Variants in AIFM2 observed in about 807,000 individuals in gnomAD.
AIFM2 encodes the protein ferroptosis suppressor protein 1.
AIFM2 carries 38 observed loss-of-function variants against 35.7 expected under a neutral mutation model. The ratio of observed to expected loss-of-function variants is 1.06; its 90% CI spans 0.82 to 1.39. The LOEUF (loss-of-function observed/expected upper bound fraction) is 1.39, where lower values mean the gene tolerates loss of function less well. Ranked by LOEUF, AIFM2 falls within the 40% of genes most tolerant of loss-of-function variation. The pLI is 0.00. For synonymous variants in AIFM2, 185 were observed against 203.5 expected (o/e 0.91, Z 0.77); for missense variants, 476 against 491.2 (o/e 0.97, Z 0.29).
chr10:70,117,666 C>T lies in AIFM2; in HGVS notation c.616+146G>A. 1.7e-6 allele frequency: 1 copy of T among 598,012 alleles called. No homozygotes were observed. The highest frequency in any genetic ancestry group is 2.4e-5 in the South Asian group (1 of 41,190). 37.0% of individuals were successfully genotyped at this position (598,012 alleles called of 1,614,324 possible). On this transcript the variant is annotated intron_variant, in intron 6 of 8. Coordinates refer to ENST00000307864, the MANE Select transcript of AIFM2 (RefSeq NM_032797.6). The surrounding 1 kb of genome is among the most constrained non-coding windows in gnomAD (Gnocchi z 4.7). ...TGATGTTCACGGCCTCTTCTGAGCG[C>T]TTCATGCTCCACCCCAGGACACAGT...
chr10:70,119,340 G>C (rs75329470), intron 5 of AIFM2, among the ~76,000 whole-genome samples: 3,070 of 152,338 alleles, frequency 0.02, 43 homozygotes, highest in Non-Finnish European at 0.03. Context: ...AGCCAAGTGG[G>C]ACAGAAGCGT....
chr10:70,124,398 C>T (rs562826611), intron 1 of AIFM2, among the ~76,000 whole-genome samples: 165 of 152,124 alleles, frequency 1.1e-3, no homozygotes, highest in Non-Finnish European at 2.1e-3. Flanking sequence ...TTATTTTTTG[C>T]ACCCATTAAA....
In AIFM2 at chr10:70,121,223, CAAAAAAAAAAAAAAAAA is replaced by C. The variant is rs35599207; in HGVS notation, c.295-29_295-13del. ...GAGAAGGGCAGGGCCTGAGAGAAAC[CAAAAAAAAAAAAAAAAA>C]AAAAAAAAAAAAGATGAGGGTAGGG... On this transcript the variant is annotated splice_polypyrimidine_tract_variant and intron_variant, in intron 3 of 8. Coordinates refer to ENST00000307864, the MANE Select transcript of AIFM2 (RefSeq NM_032797.6). 12 of 665,220 alleles carry C rather than the reference CAAAAAAAAAAAAAAAAA, an allele frequency of 1.8e-5. No homozygotes were observed. Among genetic ancestry groups the C allele is most frequent in the Middle Eastern group, 6.9e-4 (1 of 1,452 alleles). The allele number at this position is 665,220 out of a possible 1,614,324, so 41.2% of individuals were successfully genotyped here.
chr10:70,122,490 G>A (rs1728526960), intron 3 of AIFM2, among the ~76,000 whole-genome samples: 1 of 152,236 alleles, frequency 6.6e-6, no homozygotes, highest in South Asian at 2.1e-4. Context: ...CACTCATCCA[G>A]AGCTGGTGGC....
chr10:70,115,981 G>T (rs1403835423), intron 7 of AIFM2, among the ~76,000 whole-genome samples: 1 of 152,202 alleles, frequency 6.6e-6, no homozygotes, highest in East Asian at 1.9e-4. Context: ...CCTGGGATTG[G>T]ATCATTACTT....
In AIFM2 at chr10:70,117,021, CT is replaced by C. The variant is rs544952695; in HGVS notation, c.617-248del. 2.0e-5 allele frequency among the ~76,000 whole-genome samples: 3 copies of C among 152,364 alleles called. No homozygotes were observed. The South Asian group carries it at 6.2e-4, about 32-fold the overall frequency. On this transcript the variant is annotated intron_variant, in intron 6 of 8. Coordinates refer to ENST00000307864, the MANE Select transcript of AIFM2 (RefSeq NM_032797.6). This position sits in a 1 kb window ranked among gnomAD's most constrained non-coding sequence, Gnocchi z 4.7. ...AAGAAGCCCCTGGAGGGAAGCGAGG[CT>C]GTTTCCCAAGAAGTTCTCAGAAAAG...
intron 3 of AIFM2, among the ~76,000 whole-genome samples, chr10:70,121,478 G>A (rs1306202911): frequency 6.6e-6 from 1 of 152,080 alleles, no homozygotes; most frequent in African/African-American, 2.4e-5. Context: ...GGCAACTGGA[G>A]CCACCCAGCA....
Position 70,131,552 on chromosome 10 carries a change from C to G in AIFM2, c.-14+1182G>C, listed in dbSNP as rs1327523528. Among the ~76,000 whole-genome samples, 1 of 152,194 alleles carries G rather than the reference C, an allele frequency of 6.6e-6. No individual in the cohort carries two copies. The highest frequency in any genetic ancestry group is 1.5e-5 in the Non-Finnish European group (1 of 68,026). ...GTTCATCTGGATGTCATATTCACTC[C>G]CGCACAGAAAACCTAGGCCAAGCAA... On this transcript the variant is annotated intron_variant, in intron 1 of 8. Coordinates refer to ENST00000307864, the MANE Select transcript of AIFM2 (RefSeq NM_032797.6). This position sits in a 1 kb window ranked among gnomAD's most constrained non-coding sequence, Gnocchi z 4.1.
In AIFM2 at chr10:70,115,133, A is replaced by G. The variant is rs764596916; in HGVS notation, c.770-13T>C. On this transcript the variant is annotated splice_polypyrimidine_tract_variant and intron_variant, in intron 7 of 8. Coordinates refer to ENST00000307864, the MANE Select transcript of AIFM2 (RefSeq NM_032797.6). ...GCTAGTCTGCTCTCTGCCAGAAGAAATGACACCGAAACCAAGACACTGAGC... is the reference window on the plus strand; with the variant it reads ...GCTAGTCTGCTCTCTGCCAGAAGAAGTGACACCGAAACCAAGACACTGAGC... 3 of 1,612,846 alleles carry G rather than the reference A, an allele frequency of 1.9e-6. No homozygotes were observed. The East Asian group carries it at 6.7e-5, about 36-fold the overall frequency.
chr10:70,120,135 G>A (rs2072482209), intron 5 of AIFM2, among the ~76,000 whole-genome samples: 1 of 152,218 alleles, frequency 6.6e-6, no homozygotes, highest in African/African-American at 2.4e-5. Context: ...ATCAAATACT[G>A]GTTGCCAGCA....
chr10:70,121,034 C>T lies in AIFM2; in HGVS notation c.414+58G>A, dbSNP rs1222223011. On this transcript the variant is annotated intron_variant, in intron 4 of 8. Coordinates refer to ENST00000307864, the MANE Select transcript of AIFM2 (RefSeq NM_032797.6). ...GCCTCCCAGCTGCAGGCCTAGGCAT[C>T]CCCAAGGCTGTCCTTCCATCTGCCC... 9 of 1,581,700 alleles carry T rather than the reference C, an allele frequency of 5.7e-6. No homozygotes were observed. In the African/African-American group the frequency reaches 1.2e-4, roughly 21 times the overall value.
intron 8 of AIFM2, 58 bp from the exon 9 acceptor site, chr10:70,114,387 TC>T: frequency 6.2e-7 from 1 of 1,604,362 alleles, no homozygotes; most frequent in South Asian, 1.1e-5. Context: ...GGGCTGCACC[TC>T]CCAGAGTGCC....
At chr10:70,124,902 A>C (rs2072548426) in intron 1 of AIFM2, among the ~76,000 whole-genome samples, 1 of 152,226 alleles carries the variant, frequency 6.6e-6, no homozygotes, top group Non-Finnish European at 1.5e-5. Flanking sequence ...TAGGGTTTGA[A>C]TATGTCTCCC....
chr10:70,114,605 G>T (rs895452907), intron 8 of AIFM2, among the ~76,000 whole-genome samples: 2 of 152,070 alleles, frequency 1.3e-5, no homozygotes, highest in African/African-American at 4.8e-5. Flanking sequence ...CTCCCGAGTA[G>T]CTGGGATTAC....
rs2072479928 is a variant in AIFM2 at position 70,119,951 on chromosome 10, C to G, written c.507+556G>C. 2.6e-5 allele frequency among the ~76,000 whole-genome samples: 4 copies of G among 152,346 alleles called. No homozygotes were observed. In the South Asian group the frequency reaches 8.3e-4, roughly 32 times the overall value. On this transcript the variant is annotated intron_variant, in intron 5 of 8. Transcript: ENST00000307864. ...CAGGCTGATGTCCCCTCCCCGTTCC[C>G]ACCCATGGGCAGAAGGCAGTGCTGT...
At chr10:70,116,081 C>A (rs2072432340) in intron 7 of AIFM2, among the ~76,000 whole-genome samples, 3 of 152,158 alleles carry the variant, frequency 2.0e-5, no homozygotes, top group Admixed American at 2.0e-4. Flanking sequence ...AACCACCAGG[C>A]CTGGCCACTG....
In AIFM2 at chr10:70,112,816, G is replaced by T. The variant is rs10823484; in HGVS notation, c.*1362C>A. 26,488 of 152,254 alleles carry T rather than the reference G, an allele frequency of 0.17. 2,975 individuals are homozygous for T. Among genetic ancestry groups the T allele is most frequent in the East Asian group, 0.39 (2,029 of 5,172 alleles). 9.4% of individuals were successfully genotyped at this position (152,254 alleles called of 1,614,324 possible). ...CAAATAGAGGAATCATTTATACACT[G>T]TAACATAGTCGGTGGCAGACATTAG... On this transcript the variant is annotated 3_prime_UTR_variant, in exon 9 of 9. Coordinates refer to ENST00000307864, the MANE Select transcript of AIFM2 (RefSeq NM_032797.6).
chr10:70,118,078 T>C (rs1373488066), intron 5 of AIFM2, 158 bp from the exon 6 acceptor site: 4 of 594,900 alleles, frequency 6.7e-6, no homozygotes, highest in Non-Finnish European at 1.2e-5. Context: ...CAATTAGTGG[T>C]GAGCTGGGCT....
intron 1 of AIFM2, among the ~76,000 whole-genome samples, chr10:70,130,046 T>A (rs906560068): frequency 1.3e-5 from 2 of 152,102 alleles, no homozygotes; most frequent in Non-Finnish European, 2.9e-5. Context: ...TAGCCAGGCA[T>A]GGTGGCACAT....
Sources: gnomAD v4.1 joint callset for allele counts (sites outside exome capture counted in the v4.1 genomes callset) on GRCh38, gnomAD v4.1.1 for gene constraint, Gnocchi (gnomAD v3.1) non-coding constraint, MANE v1.5 for transcripts, NCBI Gene and HGNC (gene_info 2026-07-23, HGNC 2026-07-21) for gene names.